The following AGAP1 variants were observed in gnomAD, a reference collection of about 807,000 sequenced individuals.
AGAP1 encodes arf-GAP with GTPase, ANK repeat and PH domain-containing protein 1.
AGAP1 carries 29 observed loss-of-function variants against 105.3 expected under a neutral mutation model. The ratio of observed to expected loss-of-function variants is 0.28; its 90% CI spans 0.21 to 0.38. The LOEUF is 0.38. AGAP1 is among the 10% of genes least tolerant of loss of function. The probability of loss-of-function intolerance (pLI) is 1.00; values close to 1 mark genes in which losing one functional copy is unlikely to be tolerated. For synonymous variants in AGAP1, 509 were observed against 485.9 expected (o/e 1.05, Z -0.63); for missense variants, 998 against 1,165.1 (o/e 0.86, Z 2.09).
chr2:235,670,920 G>T (rs1418304167), intron 1 of AGAP1: 1 of 1,337,316 alleles, frequency 7.5e-7, no homozygotes, highest in Non-Finnish European at 9.5e-7. Context: ...ATCTTCGCGC[G>T]CAGGGACGGG....
chr2:235,745,613 C>A (rs959071927), intron 5 of AGAP1, among the ~76,000 whole-genome samples: 4 of 152,192 alleles, frequency 2.6e-5, no homozygotes, highest in Admixed American at 1.3e-4. Flanking sequence ...TTGTATATCC[C>A]TTCATTTTTG....
chr2:235,821,779 A>T (rs1958802385), intron 9 of AGAP1, among the ~76,000 whole-genome samples: 1 of 152,136 alleles, frequency 6.6e-6, no homozygotes, highest in Non-Finnish European at 1.5e-5. Flanking sequence ...CCAATCCAGG[A>T]TCCCTCCTTT....
intron 6 of AGAP1, chr2:235,776,837 C>A: frequency 2.2e-6 from 1 of 464,942 alleles, no homozygotes. Flanking sequence ...TCGGCACCAA[C>A]TCGGAGCCCC....
At chr2:235,762,247 A>AT (rs1954508399) in intron 6 of AGAP1, among the ~76,000 whole-genome samples, 2 of 151,590 alleles carry the variant, frequency 1.3e-5, no homozygotes, top group Non-Finnish European at 2.9e-5. Context: ...TTGATGAAAG[A>AT]TGAGGAATAG....
chr2:235,964,138 T>G lies in AGAP1; in HGVS notation c.1484-4324T>G. Among the ~76,000 whole-genome samples the G allele has an allele frequency of 1.3e-5, 2 of 150,906 alleles. No homozygotes were observed. The highest frequency in any genetic ancestry group is 2.9e-5 in the Non-Finnish European group (2 of 67,814). On this transcript the variant is annotated intron_variant, in intron 12 of 17. Coordinates refer to ENST00000304032, the MANE Select transcript of AGAP1 (RefSeq NM_001037131.3). The surrounding 1 kb of genome is among the most constrained non-coding windows in gnomAD (Gnocchi z 4.6). The stretch of plus-strand genomic sequence containing the variant: ...GTCCTAACTGTGGGCTCCGTGGGAG[T>G]GTAGAGATGAGAAATGTTAGTTTGG...
rs550501766 is a variant in AGAP1 at position 235,891,902 on chromosome 2, C to G, written c.1155+8453C>G. ...GGTGTGGTGGCTCACACCTGTAATC[C>G]CAGCACTTTGGGAGGCTGAGGTGGA... On this transcript the variant is annotated intron_variant, in intron 10 of 17. Coordinates refer to ENST00000304032, the MANE Select transcript of AGAP1 (RefSeq NM_001037131.3). The surrounding 1 kb of genome is among the most constrained non-coding windows in gnomAD (Gnocchi z 4.2). Among the ~76,000 whole-genome samples the G allele has an allele frequency of 3.1e-4, 47 of 152,250 alleles. 1 individual carries two copies. In the South Asian group the frequency reaches 9.5e-3, roughly 31 times the overall value.
At position 235,801,348 on chromosome 2, in the gene AGAP1, A is replaced by G. The variant is rs1010317789; in HGVS notation, c.957+1826A>G. Among the ~76,000 whole-genome samples the G allele has an allele frequency of 6.6e-6, 1 of 152,136 alleles. No homozygotes were observed. Among genetic ancestry groups the G allele is most frequent in the Non-Finnish European group, 1.5e-5 (1 of 68,030 alleles). Reference sequence around the variant, plus strand: ...GAAGAGATCTGGTGGCATTGCTTCCATGGTTTTCTCACTCCATTGATGCTA... The same window carrying G: ...GAAGAGATCTGGTGGCATTGCTTCCGTGGTTTTCTCACTCCATTGATGCTA... On this transcript the variant is annotated intron_variant, in intron 8 of 17. Transcript: ENST00000304032. This position sits in a 1 kb window ranked among gnomAD's most constrained non-coding sequence, Gnocchi z 6.0.
chr2:235,529,173 A>G (rs1248965989), intron 1 of AGAP1, among the ~76,000 whole-genome samples: 1 of 152,194 alleles, frequency 6.6e-6, no homozygotes, highest in Non-Finnish European at 1.5e-5. Flanking sequence ...CCCTGTGGCC[A>G]GGCAAGTGTT....
chr2:236,057,190 C>A (rs1418586014), intron 16 of AGAP1, among the ~76,000 whole-genome samples: 2 of 152,220 alleles, frequency 1.3e-5, no homozygotes, highest in African/African-American at 4.8e-5. Context: ...CTCACTGCAA[C>A]CTCTGTCTCC....
At position 235,930,409 on chromosome 2, in the gene AGAP1, G is replaced by A. The variant is rs762759008; in HGVS notation, c.1325-356G>A. ...GGGCTCCTGGAGCCCCCATCTTGCCGGCCTGCCGGATCGCGGTGTCTCTGC... is the reference window on the plus strand; with the variant it reads ...GGGCTCCTGGAGCCCCCATCTTGCCAGCCTGCCGGATCGCGGTGTCTCTGC... On this transcript the variant is annotated intron_variant, in intron 11 of 17. Coordinates refer to ENST00000304032, the MANE Select transcript of AGAP1 (RefSeq NM_001037131.3). This position sits in a 1 kb window ranked among gnomAD's most constrained non-coding sequence, Gnocchi z 7.9. 6.6e-5 allele frequency among the ~76,000 whole-genome samples: 10 copies of A among 152,314 alleles called. No individual in the cohort carries two copies. Among genetic ancestry groups the A allele is most frequent in the South Asian group, 6.2e-4 (3 of 4,822 alleles).
chr2:235,949,496 CT>C (rs1490466854), intron 12 of AGAP1, among the ~76,000 whole-genome samples: 1 of 152,182 alleles, frequency 6.6e-6, no homozygotes, highest in Non-Finnish European at 1.5e-5. Context: ...TGCACCGTGT[CT>C]CCGGATCATC....
chr2:235,590,636 TTC>T (rs769380277), intron 1 of AGAP1, among the ~76,000 whole-genome samples: 98 of 151,940 alleles, frequency 6.4e-4, no homozygotes, highest in Admixed American at 1.1e-3. Flanking sequence ...TTGTTTTTGT[TTC>T]TGTTTTTTTT....
intron 1 of AGAP1, among the ~76,000 whole-genome samples, chr2:235,548,500 A>G (rs1943699737): frequency 6.6e-6 from 1 of 152,144 alleles, no homozygotes; most frequent in Non-Finnish European, 1.5e-5. Context: ...CTAAAAATAC[A>G]GAATTAGCCA....
In AGAP1 at chr2:235,882,502, A is replaced by G; in HGVS notation, c.1051-843A>G. On this transcript the variant is annotated intron_variant, in intron 9 of 17. Coordinates refer to ENST00000304032, the MANE Select transcript of AGAP1 (RefSeq NM_001037131.3). This position sits in a 1 kb window ranked among gnomAD's most constrained non-coding sequence, Gnocchi z 4.6. ...TCTGGTTTGTCTGCCATTTTCTTAA[A>G]ACAATCGGTACCATCCGTGGCGGGC... 1.4e-6 allele frequency: 2 copies of G among 1,476,466 alleles called. No homozygotes were observed. The highest frequency in any genetic ancestry group is 1.9e-6 in the Non-Finnish European group (2 of 1,064,650). 91.5% of individuals were successfully genotyped at this position (1,476,466 alleles called of 1,614,324 possible). A position where few individuals can be genotyped will look rare whatever the true frequency, so the allele number is the denominator to read the frequency against.
chr2:236,085,981 G>A (rs2058918669), intron 16 of AGAP1, among the ~76,000 whole-genome samples: 1 of 152,268 alleles, frequency 6.6e-6, no homozygotes, highest in Admixed American at 6.5e-5. Context: ...TTTCTCTGCT[G>A]TTATCACAGC....
chr2:235,883,457 T>C lies in AGAP1; in HGVS notation c.1155+8T>C, dbSNP rs186517603. The C allele has an allele frequency of 8.0e-5, 129 of 1,609,308 alleles. No individual in the cohort carries two copies. The highest frequency in any genetic ancestry group is 1.7e-5 in the Non-Finnish European group (20 of 1,176,096). On this transcript the variant is annotated splice_region_variant and intron_variant, in intron 10 of 17. Transcript: ENST00000304032. The surrounding 1 kb of genome is among the most constrained non-coding windows in gnomAD (Gnocchi z 4.5). The stretch of plus-strand genomic sequence containing the variant: ...TATCATCCCAGTTTACATGTGAGTA[T>C]AGCCCCCTCGGAGCAATTAACAGCT...
chr2:235,998,702 ATGATGATAG>A (rs2055925496), intron 13 of AGAP1, among the ~76,000 whole-genome samples: 1 of 82,306 alleles, frequency 1.2e-5, no homozygotes, highest in Non-Finnish European at 3.1e-5. Context: ...GGTAGCAGTG[ATGATGATAG>A]TGGTGATGAT....
At chr2:235,833,488 C>T (rs1213466578) in intron 9 of AGAP1, among the ~76,000 whole-genome samples, 2 of 151,980 alleles carry the variant, frequency 1.3e-5, no homozygotes, top group Non-Finnish European at 2.9e-5. Context: ...ACCTAAACCA[C>T]CCACCCCCAC....
At chr2:235,682,732 G>A (rs533466141) in intron 1 of AGAP1, among the ~76,000 whole-genome samples, 2 of 152,032 alleles carry the variant, frequency 1.3e-5, no homozygotes, top group South Asian at 4.1e-4. Flanking sequence ...GAAAAACTAG[G>A]ACTGACAATG....
Sources: allele counts gnomAD v4.1 joint callset (sites outside exome capture counted in the v4.1 genomes callset), GRCh38; gene constraint gnomAD v4.1.1; non-coding constraint Gnocchi (gnomAD v3.1); transcripts MANE v1.5; gene names NCBI Gene and HGNC (gene_info 2026-07-23, HGNC 2026-07-21).